The following CTNNA3 variants were observed in gnomAD, a reference collection of about 807,000 sequenced individuals.
CTNNA3 encodes the protein catenin alpha 3.
In CTNNA3, 76 loss-of-function variants were observed where a neutral mutation model predicts 95.7. The ratio of observed to expected loss-of-function variants is 0.79; its 90% CI spans 0.66 to 0.96. The LOEUF is 0.96. Ranked by LOEUF, CTNNA3 falls within the 40% of genes least tolerant of loss-of-function variation. CTNNA3 has a pLI of 0.00. For synonymous variants in CTNNA3, 431 were observed against 374.4 expected, an observed-to-expected ratio of 1.15 and a Z score of -1.74; for missense variants, 1,191 against 1,089.8, an observed-to-expected ratio of 1.09 and a Z score of -1.31.
intron 7 of CTNNA3, among the ~76,000 whole-genome samples, chr10:66,836,488 G>A (rs4518983): frequency 0.36 from 54,282 of 151,900 alleles, 10,801 homozygotes; most frequent in Non-Finnish European, 0.46. Flanking sequence ...ACTTGATTTG[G>A]GAATGGTTTC....
intron 15 of CTNNA3, among the ~76,000 whole-genome samples, chr10:65,997,715 C>T (rs2078692607): frequency 6.6e-6 from 1 of 152,006 alleles, no homozygotes; most frequent in Non-Finnish European, 1.5e-5. Flanking sequence ...TGTTTACTTG[C>T]TGTTAAGTAA....
chr10:67,304,155 A>G (rs1400322729), intron 5 of CTNNA3, among the ~76,000 whole-genome samples: 1 of 152,110 alleles, frequency 6.6e-6, no homozygotes. Flanking sequence ...CTGCATCCCC[A>G]TTATTGACTT....
At chr10:66,310,127 G>GA (rs200586673) in intron 12 of CTNNA3, among the ~76,000 whole-genome samples, 46 of 147,726 alleles carry the variant, frequency 3.1e-4, no homozygotes, top group Middle Eastern at 7.0e-3. Flanking sequence ...CAAAAAAAAA[G>GA]AAAAAAAAAG....
At chr10:66,695,917 G>T (rs1564624615) in intron 9 of CTNNA3, among the ~76,000 whole-genome samples, 1 of 4,096 alleles carries the variant, frequency 2.4e-4, no homozygotes, top group East Asian at 3.9e-3. Flanking sequence ...AGAGACGTAA[G>T]GGGGGGGGGC....
chr10:66,721,000 G>A (rs1251811616), intron 9 of CTNNA3, among the ~76,000 whole-genome samples: 1 of 152,162 alleles, frequency 6.6e-6, no homozygotes, highest in Admixed American at 6.5e-5. Context: ...CAGCCTCGGG[G>A]CAGACCCACA....
intron 9 of CTNNA3, among the ~76,000 whole-genome samples, chr10:66,709,418 T>A (rs1410628181): frequency 6.6e-6 from 1 of 151,998 alleles, no homozygotes; most frequent in Non-Finnish European, 1.5e-5. Context: ...AAATGTCAGA[T>A]GAAATGGAAG....
intron 16 of CTNNA3, among the ~76,000 whole-genome samples, chr10:65,974,268 C>T (rs2133281488): frequency 6.6e-6 from 1 of 152,262 alleles, no homozygotes; most frequent in South Asian, 2.1e-4. Context: ...ATAAATTGTT[C>T]TACCCAAAAA....
intron 13 of CTNNA3, among the ~76,000 whole-genome samples, chr10:66,107,051 C>A (rs115799664): frequency 6.6e-6 from 1 of 152,050 alleles, no homozygotes; most frequent in African/African-American, 2.4e-5. Flanking sequence ...TGTCTAACAG[C>A]GAAATTATCT....
chr10:66,703,426 A>G (rs1378300199), intron 9 of CTNNA3, among the ~76,000 whole-genome samples: 3 of 152,200 alleles, frequency 2.0e-5, no homozygotes, highest in African/African-American at 7.2e-5. Flanking sequence ...GGGGAAAAGT[A>G]TATGGCATAA....
intron 9 of CTNNA3, among the ~76,000 whole-genome samples, chr10:66,729,606 A>G (rs1470278462): frequency 6.6e-6 from 1 of 152,240 alleles, no homozygotes; most frequent in East Asian, 1.9e-4. Context: ...ATGCAAAGGC[A>G]TAAGAATTAT....
intron 11 of CTNNA3, among the ~76,000 whole-genome samples, chr10:66,398,801 TCTC>T (rs780148302): frequency 2.6e-5 from 4 of 151,974 alleles, no homozygotes; most frequent in Non-Finnish European, 5.9e-5. Flanking sequence ...CATAGCTTAT[TCTC>T]CTTTTAGTTC....
intron 15 of CTNNA3, among the ~76,000 whole-genome samples, chr10:66,023,032 T>C (rs2079254589): frequency 6.6e-6 from 1 of 152,208 alleles, no homozygotes; most frequent in East Asian, 1.9e-4. Flanking sequence ...ATTGTTGTTT[T>C]AAATAGTGTG....
intron 7 of CTNNA3, among the ~76,000 whole-genome samples, chr10:67,089,022 T>G (rs1008171552): frequency 2.0e-5 from 3 of 152,066 alleles, no homozygotes; most frequent in African/African-American, 7.2e-5. Context: ...TTATGAGTAA[T>G]CTACAGGTGA....
chr10:67,104,533 A>G (rs1433068072), intron 7 of CTNNA3, among the ~76,000 whole-genome samples: 1 of 151,978 alleles, frequency 6.6e-6, no homozygotes, highest in African/African-American at 2.4e-5. Context: ...TCACATCTTG[A>G]AAAACATCTT....
At chr10:66,750,683 G>A (rs1417492281) in intron 9 of CTNNA3, among the ~76,000 whole-genome samples, 1 of 152,154 alleles carries the variant, frequency 6.6e-6, no homozygotes, top group Non-Finnish European at 1.5e-5. Context: ...TCAATATTGA[G>A]TTGGCTATTC....
chr10:65,970,381 A>C (rs1228043872), intron 16 of CTNNA3, among the ~76,000 whole-genome samples: 2 of 152,050 alleles, frequency 1.3e-5, no homozygotes, highest in Non-Finnish European at 2.9e-5. Context: ...AATATAAAGC[A>C]ACCAGCTTAC....
intron 7 of CTNNA3, chr10:66,928,280 G>A (rs1401377000): frequency 2.5e-6 from 4 of 1,614,110 alleles, no homozygotes; most frequent in Non-Finnish European, 3.4e-6. Flanking sequence ...CTGCAGCAGC[G>A]CTCCCTCATG....
intron 10 of CTNNA3, among the ~76,000 whole-genome samples, chr10:66,609,673 T>C (rs2132281546): frequency 6.6e-6 from 1 of 152,000 alleles, no homozygotes; most frequent in Middle Eastern, 3.4e-3. Flanking sequence ...ATTTCAACCA[T>C]GTGGAAAACA....
intron 2 of CTNNA3, among the ~76,000 whole-genome samples, chr10:67,609,545 T>C (rs1167625532): frequency 6.6e-6 from 1 of 152,212 alleles, no homozygotes; most frequent in Non-Finnish European, 1.5e-5. Context: ...ATAGATCCTC[T>C]GTTTCATTCT....
Sources: gnomAD v4.1 joint callset for allele counts (sites outside exome capture counted in the v4.1 genomes callset) on GRCh38, gnomAD v4.1.1 for gene constraint, MANE v1.5 for transcripts, NCBI Gene and HGNC (gene_info 2026-07-23, HGNC 2026-07-21) for gene names.